C19orf47: variants seen among roughly 807,000 people sequenced by gnomAD.
C19orf47 encodes the protein chromosome 19 open reading frame 47.
C19orf47 carries 18 observed loss-of-function variants against 32.3 expected under a neutral mutation model. That is an observed-to-expected ratio of 0.56 (90% confidence interval 0.39 to 0.83). The LOEUF (loss-of-function observed/expected upper bound fraction) is 0.83. C19orf47 is among the 40% of genes least tolerant of loss of function. The pLI is 0.00. For synonymous variants in C19orf47, 202 were observed against 211.1 expected (o/e 0.96, Z 0.37); for missense variants, 484 against 531.6 (o/e 0.91, Z 0.88).
chr19:40,339,404 C>T (rs934203817), intron 2 of C19orf47, among the ~76,000 whole-genome samples: 4 of 152,134 alleles, frequency 2.6e-5, no homozygotes, highest in East Asian at 1.9e-4. Flanking sequence ...CCAGGAGACA[C>T]GTACAAGAAT....
At chr19:40,342,263 A>G (rs1179075705) in intron 1 of C19orf47, 2 of 240,094 alleles carry the variant, frequency 8.3e-6, no homozygotes, top group African/African-American at 4.6e-5. Context: ...AGGTGGGAGG[A>G]TTACTTGAAG....
intron 1 of C19orf47, among the ~76,000 whole-genome samples, chr19:40,344,157 A>G (rs972182699): frequency 1.3e-5 from 2 of 151,698 alleles, no homozygotes; most frequent in African/African-American, 4.8e-5. Context: ...CTTAGATCCA[A>G]TTTCCCTCCT....
chr19:40,333,670 CTG>C (rs1168588409), intron 5 of C19orf47, among the ~76,000 whole-genome samples, 179 bp downstream of exon 5: 2 of 152,176 alleles, frequency 1.3e-5, no homozygotes, highest in African/African-American at 4.8e-5. Context: ...TGACAATTGA[CTG>C]TGTGTACAGC....
At chr19:40,336,429 A>G (rs1350927631) in intron 2 of C19orf47, 22 bp from the exon 3 acceptor site, 1 of 1,594,744 alleles carries the variant, frequency 6.3e-7, no homozygotes, top group Admixed American at 1.7e-5. Flanking sequence ...GACAGGGCTC[A>G]TTACTCACAC....
chr19:40,325,557 C>T (rs962005076), intron 7 of C19orf47, among the ~76,000 whole-genome samples: 9 of 151,800 alleles, frequency 5.9e-5, no homozygotes, highest in African/African-American at 1.9e-4. Flanking sequence ...CCTGGGAGGT[C>T]GAGGAGACTG....
the C19orf47 span, among the ~76,000 whole-genome samples, chr19:40,309,164 T>A: frequency 6.6e-6 from 1 of 151,810 alleles, no homozygotes; most frequent in Non-Finnish European, 1.5e-5. Context: ...TTCAGCTACA[T>A]AATCAGCAGC....
chr19:40,326,691 G>T (rs2077838304), intron 6 of C19orf47, among the ~76,000 whole-genome samples: 1 of 152,162 alleles, frequency 6.6e-6, no homozygotes, highest in Non-Finnish European at 1.5e-5. Flanking sequence ...AGAATCCCCA[G>T]GCTGTGGCAG....
chr19:40,298,805 A>G, the C19orf47 span, among the ~76,000 whole-genome samples: 1 of 152,186 alleles, frequency 6.6e-6, no homozygotes, highest in African/African-American at 2.4e-5. Flanking sequence ...AGTCTAGTTT[A>G]TAAGTTGTTG....
chr19:40,293,576 C>T, the C19orf47 span, among the ~76,000 whole-genome samples: 1 of 152,162 alleles, frequency 6.6e-6, no homozygotes, highest in East Asian at 2.0e-4. Flanking sequence ...AGCGATTCTC[C>T]TGCCTCAGCC....
intron 1 of C19orf47, 43 bp downstream of exon 1, chr19:40,348,281 A>G: frequency 7.8e-7 from 1 of 1,284,012 alleles, no homozygotes; most frequent in East Asian, 3.2e-5. Flanking sequence ...ACCCGTCCCT[A>G]CCGCAACCGG....
the C19orf47 span, among the ~76,000 whole-genome samples, chr19:40,310,534 C>T: frequency 9.2e-5 from 14 of 152,194 alleles, no homozygotes; most frequent in Non-Finnish European, 2.1e-4. Flanking sequence ...CCACCTCCGC[C>T]TTCCAAAAGT....
At chr19:40,296,858 G>A in the C19orf47 span, among the ~76,000 whole-genome samples, 10 of 151,928 alleles carry the variant, frequency 6.6e-5, no homozygotes, top group Non-Finnish European at 4.4e-5. Context: ...AGGTTGCAGT[G>A]AGCTGAGATC....
chr19:40,313,812 C>G, the C19orf47 span, among the ~76,000 whole-genome samples: 1 of 151,986 alleles, frequency 6.6e-6, no homozygotes, highest in Non-Finnish European at 1.5e-5. Flanking sequence ...CCTCTGCAAT[C>G]TGGCCTGGGT....
the C19orf47 span, among the ~76,000 whole-genome samples, chr19:40,305,447 A>T: frequency 6.6e-6 from 1 of 152,146 alleles, no homozygotes; most frequent in South Asian, 2.1e-4. Flanking sequence ...GATCTTTTTC[A>T]AGAAGAGAAA....
Position 40,321,465 on chromosome 19 carries a change from G to C in C19orf47, c.*417C>G. On this transcript the variant is annotated 3_prime_UTR_variant, in exon 9 of 9. Transcript: ENST00000683109. ...AGTGAGGGAGGTCAGTGGGGAGTGG[G>C]GGAAGGGAGGCCCACCAGGTGACAC... 1 of 1,012,368 alleles carries C rather than the reference G, an allele frequency of 9.9e-7. No homozygotes were observed. Among genetic ancestry groups the C allele is most frequent in the Non-Finnish European group, 1.2e-6 (1 of 846,282 alleles). The allele number at this position is 1,012,368 out of a possible 1,614,324, so 62.7% of individuals were successfully genotyped here.
At chr19:40,335,676 C>A (rs982629259) in intron 4 of C19orf47, among the ~76,000 whole-genome samples, 11 of 150,588 alleles carry the variant, frequency 7.3e-5, no homozygotes, top group Non-Finnish European at 1.6e-4. Context: ...GTGGTGCGAT[C>A]TCGGCTCACT....
intron 2 of C19orf47, among the ~76,000 whole-genome samples, chr19:40,339,907 A>G (rs1382624246): frequency 6.6e-6 from 1 of 150,700 alleles, no homozygotes; most frequent in Non-Finnish European, 1.5e-5. Context: ...CCCAGGAGGC[A>G]GAGGTTGCGG....
chr19:40,293,716 G>A, the C19orf47 span, among the ~76,000 whole-genome samples: 7 of 148,388 alleles, frequency 4.7e-5, no homozygotes, highest in African/African-American at 5.0e-5. Context: ...TGCCTGCCTC[G>A]GCCTCCCAAA....
rs565705635 is a variant in C19orf47 at position 40,323,671 on chromosome 19, T to A, written c.663+335A>T. The stretch of plus-strand genomic sequence containing the variant: ...AGAGGAGGGAGAGACAGTAGAGTCA[T>A]CAGACCCACTGACAGACTGCAATGG... On this transcript the variant is annotated intron_variant, in intron 8 of 8. Transcript: ENST00000683109. 2.9e-3 allele frequency among the ~76,000 whole-genome samples: 448 copies of A among 152,220 alleles called. 1 individual carries two copies. Among genetic ancestry groups the A allele is most frequent in the Middle Eastern group, 6.8e-3 (2 of 294 alleles).
Sources: gnomAD v4.1 joint callset for allele counts (sites outside exome capture counted in the v4.1 genomes callset) on GRCh38, gnomAD v4.1.1 for gene constraint, MANE v1.5 for transcripts, NCBI Gene and HGNC (gene_info 2026-07-23, HGNC 2026-07-21) for gene names.